Variants in LSS observed in about 807,000 individuals in gnomAD.
LSS encodes the protein lanosterol synthase, also known as 2,3-epoxysqualene-lanosterol cyclase.
A neutral mutation model predicts 110.3 loss-of-function variants in LSS; 90 were observed. The ratio of observed to expected loss-of-function variants is 0.82; its 90% confidence interval spans 0.69 to 0.97. The LOEUF is 0.97. Among genes scored for constraint, LSS ranks in the 50% least tolerant of loss-of-function variants. LSS has a pLI of 0.00. For missense variants in LSS, 927 were observed against 990.0 expected (o/e 0.94, Z 0.85); for synonymous variants, 433 against 400.0 (o/e 1.08, Z -0.98).
intron 4 of LSS, chr21:46,222,229 A>G (rs1244758384): frequency 5.4e-6 from 3 of 552,920 alleles, no homozygotes; most frequent in Non-Finnish European, 9.7e-6. Context: ...CTGAGTCAAC[A>G]CTTCTAGCTC....
intron 3 of LSS, 123 bp from the exon 4 acceptor site, chr21:46,222,861 C>T: frequency 1.4e-6 from 1 of 707,378 alleles, no homozygotes; most frequent in Non-Finnish European, 2.4e-6. Context: ...AAAACACCCC[C>T]TGGAAAGGCC....
Position 46,209,291 on chromosome 21 carries a change from G to A in LSS, c.1266+263C>T, listed in dbSNP as rs978732969. 2.0e-5 allele frequency among the ~76,000 whole-genome samples: 3 copies of A among 152,118 alleles called. No homozygotes were observed. The highest frequency in any genetic ancestry group is 7.2e-5 in the African/African-American group (3 of 41,428). On this transcript the variant is annotated intron_variant, in intron 13 of 21. Transcript: ENST00000397728. This position sits in a 1 kb window ranked among gnomAD's most constrained non-coding sequence, Gnocchi z 4.4. ...CCCGTGCCTGGCCCTTGCACACAGT[G>A]GCTCCAACATGAGCAGGACGCAGAA...
chr21:46,221,998 A>G, intron 4 of LSS, 23 bp from the exon 5 acceptor site: 1 of 1,613,426 alleles, frequency 6.2e-7, no homozygotes, highest in African/African-American at 1.3e-5. Flanking sequence ...AGGACAGGTG[A>G]GAAACCGGTA....
Position 46,228,755 on chromosome 21 carries a change from A to G in LSS, c.-10T>C. ...ACGTGCCCTCCGTCATTGCTGCTGC[A>G]GTGCTCTACGCCGCCCACTGCCAGC... is the stretch of plus-strand genomic sequence containing the variant. On this transcript the variant is annotated 5_prime_UTR_variant, in exon 1 of 22. Coordinates refer to ENST00000397728, the MANE Select transcript of LSS (RefSeq NM_002340.6). The G allele has an allele frequency of 1.3e-6, 2 of 1,588,258 alleles. No individual in the cohort carries two copies. The highest frequency in any genetic ancestry group is 2.3e-5 in the East Asian group (1 of 43,642).
In LSS at chr21:46,189,856, C is replaced by G. The variant is rs2079782218; in HGVS notation, c.*1248G>C. 1 of 384,284 alleles carries G rather than the reference C, an allele frequency of 2.6e-6. No homozygotes were observed. The allele number at this position is 384,284 out of a possible 1,614,324, so 23.8% of individuals were successfully genotyped here. ...AGCCAGGGGAGAGCAGTGACAGTCT[C>G]AGGTGGCCCTGAGCATGTGAGCTGC... On this transcript the variant is annotated 3_prime_UTR_variant, in exon 22 of 22. Coordinates refer to ENST00000397728, the MANE Select transcript of LSS (RefSeq NM_002340.6).
intron 17 of LSS, 48 bp downstream of exon 17, chr21:46,205,788 G>A (rs750291905): frequency 1.4e-6 from 2 of 1,459,614 alleles, no homozygotes; most frequent in South Asian, 2.4e-5. Flanking sequence ...CTGGGTCTTG[G>A]CCCCCGACTT....
intron 19 of LSS, 44 bp from the exon 20 acceptor site, chr21:46,194,705 T>C (rs760945931): frequency 1.3e-6 from 2 of 1,575,500 alleles, no homozygotes; most frequent in Non-Finnish European, 1.7e-6. Context: ...CCAAGGAAGG[T>C]CCCAGACCCC....
At position 46,198,388 on chromosome 21, in the gene LSS, C is replaced by A. The variant is rs138064222; in HGVS notation, c.1671-2121G>T. Among the ~76,000 whole-genome samples, 3 of 151,778 alleles carry A rather than the reference C, an allele frequency of 2.0e-5. No homozygotes were observed. In the South Asian group the frequency reaches 6.2e-4, roughly 32 times the overall value. ...AAATGAAATCCTTAGGTATAAACAA[C>A]AAAATATGTACAAGATCTATATATG... On this transcript the variant is annotated intron_variant, in intron 17 of 21. Coordinates refer to ENST00000397728, the MANE Select transcript of LSS (RefSeq NM_002340.6).
intron 6 of LSS, among the ~76,000 whole-genome samples, chr21:46,218,902 T>C (rs1181953184): frequency 6.6e-6 from 1 of 152,064 alleles, no homozygotes; most frequent in Non-Finnish European, 1.5e-5. Context: ...AATTTTTGTA[T>C]TTTTAGTAGA....
chr21:46,191,858 C>A (rs765309307), intron 21 of LSS, 23 bp downstream of exon 21: 39 of 1,603,998 alleles, frequency 2.4e-5, no homozygotes, highest in Non-Finnish European at 3.2e-5. Flanking sequence ...GGGCCTTGTG[C>A]GCTCAGGTCC....
intron 17 of LSS, among the ~76,000 whole-genome samples, chr21:46,196,936 G>C (rs55870069): frequency 1.3e-5 from 2 of 152,200 alleles, no homozygotes. Flanking sequence ...GAATGGGATC[G>C]TGCCGAGGAC....
chr21:46,195,298 A>G (rs1054095151), intron 19 of LSS, among the ~76,000 whole-genome samples: 7 of 152,246 alleles, frequency 4.6e-5, no homozygotes, highest in Admixed American at 3.9e-4. Context: ...TATTAAAAAC[A>G]GGCCAGGCAC....
rs76183011 is a variant in LSS, at chr21:46,198,110, T to C, written c.1671-1843A>G. 2.2e-3 allele frequency among the ~76,000 whole-genome samples: 327 copies of C among 151,256 alleles called. 3 individuals carry two copies. The highest frequency in any genetic ancestry group is 7.6e-3 in the African/African-American group (313 of 41,226). On this transcript the variant is annotated intron_variant, in intron 17 of 21. Transcript: ENST00000397728. Reference sequence around the variant, plus strand: ...GCAAGATCCCATCTCTACAAAAAAATTGAAAAATTAGCTGAACGTAGTGGC... The same window carrying C: ...GCAAGATCCCATCTCTACAAAAAAACTGAAAAATTAGCTGAACGTAGTGGC...
In LSS at chr21:46,189,393, G is replaced by A; in HGVS notation, c.*1711C>T. 2.2e-5 allele frequency: 7 copies of A among 321,378 alleles called. No individual in the cohort carries two copies. Among genetic ancestry groups the A allele is most frequent in the South Asian group, 1.7e-4 (7 of 40,952 alleles). 19.9% of individuals were successfully genotyped at this position (321,378 alleles called of 1,614,324 possible). A position where few individuals can be genotyped will look rare whatever the true frequency, so the allele number is the denominator to read the frequency against. On this transcript the variant is annotated 3_prime_UTR_variant, in exon 22 of 22. Transcript: ENST00000397728. ...TGTGCAAACCTGACAGATGTCAAGG[G>A]TCCCAACACAGTTCCTTCAGCGAAA... is the stretch of plus-strand genomic sequence containing the variant.
intron 6 of LSS, among the ~76,000 whole-genome samples, chr21:46,217,243 C>CAAAAAAA (rs752647829): frequency 2.4e-5 from 1 of 42,356 alleles, no homozygotes; most frequent in Non-Finnish European, 5.5e-5. Flanking sequence ...GACTCTGTCT[C>CAAAAAAA]AAAAAAAAAA....
intron 3 of LSS, among the ~76,000 whole-genome samples, chr21:46,224,246 C>T (rs571888003): frequency 1.3e-5 from 2 of 152,308 alleles, no homozygotes; most frequent in East Asian, 3.9e-4. Flanking sequence ...CCAGTGGACA[C>T]GTGACCCACG....
At chr21:46,221,174 C>T (rs909274039) in intron 5 of LSS, among the ~76,000 whole-genome samples, 10 of 101,326 alleles carry the variant, frequency 9.9e-5, no homozygotes, top group African/African-American at 3.8e-4. Flanking sequence ...TGGACAGCCC[C>T]GGGCTTGGAG....
Position 46,205,828 on chromosome 21 carries a change from C to T in LSS, c.1670+8G>A, listed in dbSNP as rs184331587. 3.8e-6 allele frequency: 6 copies of T among 1,593,266 alleles called. No individual in the cohort carries two copies. The Admixed American group carries it at 1.1e-4, about 28-fold the overall frequency. On this transcript the variant is annotated splice_region_variant and intron_variant, in intron 17 of 21. Coordinates refer to ENST00000397728, the MANE Select transcript of LSS (RefSeq NM_002340.6). ...GCGCCCACACTGAATGGCTGAGACC[C>T]TCCTTACCGGATCTCCGCTGCCCTG...
chr21:46,195,729 G>C lies in LSS; in HGVS notation c.1764C>G (p.Gly588=). The stretch of plus-strand genomic sequence containing the variant: ...CGAAGGCCTCCAGGCCAAACCAGGT[G>C]CCGTAGGTGAAGCAAACTCCCCAGG... ...EGSWGVCFTY[G]TWFGLEAFAC... The change falls in exon 19 of 22, where the codon GGC becomes GGG. Residue 588 remains glycine (G), a synonymous_variant. Coordinates refer to ENST00000397728, the MANE Select transcript of LSS (RefSeq NM_002340.6). 6.2e-7 allele frequency: 1 copy of C among 1,613,860 alleles called. No homozygotes were observed. Among genetic ancestry groups the C allele is most frequent in the Non-Finnish European group, 8.5e-7 (1 of 1,180,026 alleles).
Sources: allele counts gnomAD v4.1 joint callset (sites outside exome capture counted in the v4.1 genomes callset), GRCh38; gene constraint gnomAD v4.1.1; non-coding constraint Gnocchi (gnomAD v3.1); transcripts MANE v1.5; gene names NCBI Gene and HGNC (gene_info 2026-07-23, HGNC 2026-07-21).